Variants in SOX15 observed in about 807,000 individuals in gnomAD.
The protein encoded by SOX15 is SRY-box transcription factor 15, also known as transcription factor SOX-15.
In SOX15, 12 loss-of-function variants were observed where a neutral mutation model predicts 15.9. The observed-to-expected ratio is 0.75, with a 90% CI of 0.48 to 1.22. The LOEUF is 1.22. Ranked by LOEUF, SOX15 falls within the 50% of genes most tolerant of loss-of-function variation. The pLI, the probability that SOX15 is intolerant of heterozygous loss-of-function variation, is 0.00. For synonymous variants in SOX15, 149 were observed against 142.8 expected (o/e 1.04, Z -0.31); for missense variants, 309 against 313.9 (o/e 0.98, Z 0.12).
rs1203767552 is a variant in SOX15 at position 7,589,249 on chromosome 17, C to T, written c.428G>A (p.Ser143Asn). The change falls in exon 1 of 2, where the codon AGC (serine) becomes AAC (asparagine). Residue 143 changes from serine (S) to asparagine (N), a missense_variant. Ser to Asn is a conservative substitution (Grantham distance 46). Transcript: ENST00000250055. ...CCCCGGCCCCCAGAGCGGGCCGCCGCTGGCCAGGTTGCCTCTTCCCTGTCC... is the reference window on the plus strand; with the variant it reads ...CCCCGGCCCCCAGAGCGGGCCGCCGTTGGCCAGGTTGCCTCTTCCCTGTCC... The part of the protein sequence containing the change: ...RCGQGRGNLA[S>N]GGPLWGPGYA... 4 of 1,551,908 alleles carry T rather than the reference C, an allele frequency of 2.6e-6. No homozygotes were observed. The highest frequency in any genetic ancestry group is 3.5e-6 in the Non-Finnish European group (4 of 1,148,182).
Position 7,589,913 on chromosome 17 carries a change from A to G in SOX15, c.-237T>C. On this transcript the variant is annotated 5_prime_UTR_variant, in exon 1 of 2. Coordinates refer to ENST00000250055, the MANE Select transcript of SOX15 (RefSeq NM_006942.2). ...CCGCTGTCTGGTGCCCCGGCACTGA[A>G]GAGGTGTTCTGAGGCCTACTGACTG... The G allele has an allele frequency of 5.4e-6, 3 of 552,554 alleles. No homozygotes were observed. Among genetic ancestry groups the G allele is most frequent in the Non-Finnish European group, 9.5e-6 (3 of 315,830 alleles). 34.2% of individuals were successfully genotyped at this position (552,554 alleles called of 1,614,324 possible).
rs1299140096 is a variant in SOX15 at position 7,589,678 on chromosome 17, G to A, written c.-2C>T. 2 of 1,534,300 alleles carry A rather than the reference G, an allele frequency of 1.3e-6. No individual in the cohort carries two copies. Among genetic ancestry groups the A allele is most frequent in the Non-Finnish European group, 1.7e-6 (2 of 1,145,148 alleles). On this transcript the variant is annotated 5_prime_UTR_variant, in exon 1 of 2. Coordinates refer to ENST00000250055, the MANE Select transcript of SOX15 (RefSeq NM_006942.2). ...CTGTGAGGAGCCTGGTAGCGCCATG[G>A]GTTGGGAGAAGCCTTAAGAGGGCGT...
rs976895037 is a variant in SOX15, at chr17:7,590,024, T to A, written c.-348A>T. ...GGGTAAACCATAAACCCCTTTGTGG[T>A]CTCCGGAGTTCCGACAGCTGCCAGG... On this transcript the variant is annotated 5_prime_UTR_variant, in exon 1 of 2. Transcript: ENST00000250055. The A allele has an allele frequency of 3.7e-6, 1 of 271,410 alleles. No individual in the cohort carries two copies. Among genetic ancestry groups the A allele is most frequent in the Non-Finnish European group, 7.0e-6 (1 of 143,104 alleles). 16.8% of individuals were successfully genotyped at this position (271,410 alleles called of 1,614,324 possible). A position where few individuals can be genotyped will look rare whatever the true frequency, so the allele number is the denominator to read the frequency against.
chr17:7,588,977 GC>G, intron 1 of SOX15, 166 bp downstream of exon 1: 1 of 634,526 alleles, frequency 1.6e-6, no homozygotes, highest in South Asian at 2.1e-5. Flanking sequence ...ACCCTGATCC[GC>G]CCCACCCTAC....
Position 7,590,053 on chromosome 17 carries a change from G to A in SOX15, c.-377C>T. 4.2e-6 allele frequency: 1 copy of A among 235,558 alleles called. No homozygotes were observed. The highest frequency in any genetic ancestry group is 6.5e-5 in the South Asian group (1 of 15,394). 14.6% of individuals were successfully genotyped at this position (235,558 alleles called of 1,614,324 possible). ...CGGAGTTCCGACAGCTGCCAGGCGC[G>A]GATAGGCCAGACCTCTCCCACCTGG... On this transcript the variant is annotated 5_prime_UTR_variant, in exon 1 of 2. Transcript: ENST00000250055.
rs758261826 is a variant in SOX15 at position 7,589,271 on chromosome 17, G to C, written c.406C>G (p.Gln136Glu). Reference protein sequence around the residue: ...SSGAGPSRCGQGRGNLASGGP... With the variant: ...SSGAGPSRCGEGRGNLASGGP... ...CCGCTGGCCAGGTTGCCTCTTCCCT[G>C]TCCGCAGCGGGAAGGTCCGGCGCCC... The change falls in exon 1 of 2, where the codon CAG becomes GAG. Residue 136 changes from glutamine (Q) to glutamate (E), a missense_variant. Gln to Glu is a conservative substitution (Grantham distance 29, BLOSUM62 2). Coordinates refer to ENST00000250055, the MANE Select transcript of SOX15 (RefSeq NM_006942.2). The C allele has an allele frequency of 1.3e-6, 2 of 1,562,504 alleles. No homozygotes were observed. Among genetic ancestry groups the C allele is most frequent in the Non-Finnish European group, 1.7e-6 (2 of 1,154,014 alleles).
Position 7,588,395 on chromosome 17 carries a change from G to A in SOX15, c.685C>T (p.Pro229Ser), listed in dbSNP as rs1245097941. The change falls in exon 2 of 2, where the codon CCC (proline) becomes TCC (serine). Residue 229 changes from proline to serine, a missense_variant. By Grantham distance (74) the Pro-to-Ser change is moderately conservative. Transcript: ENST00000250055. ...CATGAGGGTTAGAGGTGGGTTAGGG[G>A]CATGGGGGCACCAGCAAGGGGAGGG... The part of the protein sequence containing the change: ...YNPPLAGAPM[P>S]LTHL The A allele has an allele frequency of 1.2e-6, 2 of 1,613,330 alleles. No individual in the cohort carries two copies. Among genetic ancestry groups the A allele is most frequent in the South Asian group, 1.1e-5 (1 of 91,000 alleles).
At chr17:7,588,740 GCGTGCTGCA>G (rs2071625639) in intron 1 of SOX15, among the ~76,000 whole-genome samples, 194 bp from the exon 2 acceptor site, 1 of 152,188 alleles carries the variant, frequency 6.6e-6, no homozygotes, top group Non-Finnish European at 1.5e-5. Context: ...GAGCGGGCTT[GCGTGCTGCA>G]CGGCTGTTTT....
Position 7,589,602 on chromosome 17 carries a change from TGAG to T in SOX15, c.72_74del (p.Ser27del), listed in dbSNP as rs756275026. The T allele has an allele frequency of 1.2e-4, 189 of 1,564,820 alleles. 1 individual carries two copies. In the East Asian group the frequency reaches 4.3e-3, roughly 36 times the overall value. ...CCTCCCGCTCCTGGGGTCCCGAAGA[TGAG>T]GAGGCAGCAGCCGTGGCAGCCGGAG... On this transcript the variant is annotated inframe_deletion, in exon 1 of 2. Coordinates refer to ENST00000250055, the MANE Select transcript of SOX15 (RefSeq NM_006942.2).
At chr17:7,588,678 T>G in intron 1 of SOX15, 132 bp from the exon 2 acceptor site, 1 of 994,238 alleles carries the variant, frequency 1.0e-6, no homozygotes, top group Non-Finnish European at 1.6e-6. Flanking sequence ...GCAGCAGGCA[T>G]GGAAGCCGAC....
rs773759891 is a variant in SOX15 at position 7,589,152 on chromosome 17, G to A, written c.525C>T (p.Gly175=). ...PPSYSTAYLP[G]SYGSSHCKLE... ...GCTTCCCAGGCACTCACCCATAGCT[G>A]CCAGGCAGGTAGGCTGTCGAGTAGC... The change falls in exon 1 of 2, where the codon GGC becomes GGT. Residue 175 remains glycine, a synonymous_variant. Coordinates refer to ENST00000250055, the MANE Select transcript of SOX15 (RefSeq NM_006942.2). 11 of 1,491,864 alleles carry A rather than the reference G, an allele frequency of 7.4e-6. No homozygotes were observed. The Admixed American group carries it at 1.6e-4, about 22-fold the overall frequency. The allele number at this position is 1,491,864 out of a possible 1,614,324, so 92.4% of individuals were successfully genotyped here. A position where few individuals can be genotyped will look rare whatever the true frequency, so the allele number is the denominator to read the frequency against.
At position 7,589,671 on chromosome 17, in the gene SOX15, C is replaced by T; in HGVS notation, c.6G>A (p.Ala2=). 2 of 1,538,634 alleles carry T rather than the reference C, an allele frequency of 1.3e-6. No homozygotes were observed. The highest frequency in any genetic ancestry group is 1.7e-6 in the Non-Finnish European group (2 of 1,146,442). Residue 2 remains alanine (A), a synonymous_variant, in exon 1 of 2, where the codon GCG becomes GCA. Transcript: ENST00000250055. ...CCTGGTCCTGTGAGGAGCCTGGTAG[C>T]GCCATGGGTTGGGAGAAGCCTTAAG... is the stretch of plus-strand genomic sequence containing the variant. M[A]LPGSSQDQAW...
rs2071620357 is a variant in SOX15, at chr17:7,588,371, A to G, written c.*7T>C. The G allele has an allele frequency of 3.1e-6, 5 of 1,612,926 alleles. No homozygotes were observed. Among genetic ancestry groups the G allele is most frequent in the South Asian group, 1.1e-5 (1 of 91,000 alleles). ...GGCCCGTCCCGTGAGGTCTGCGTCC[A>G]TGAGGGTTAGAGGTGGGTTAGGGGC... is the stretch of plus-strand genomic sequence containing the variant. On this transcript the variant is annotated 3_prime_UTR_variant, in exon 2 of 2. Transcript: ENST00000250055.
rs1278994153 is a variant in SOX15, at chr17:7,588,340, G to C, written c.*38C>G. On this transcript the variant is annotated 3_prime_UTR_variant, in exon 2 of 2. Transcript: ENST00000250055. ...GGGATGCTGCTGGATTAAAAAAGGA[G>C]GATGAGGCCCGTCCCGTGAGGTCTG... 6.2e-7 allele frequency: 1 copy of C among 1,603,572 alleles called. No homozygotes were observed. The highest frequency in any genetic ancestry group is 1.7e-4 in the Middle Eastern group (1 of 6,050).
Position 7,588,457 on chromosome 17 carries a change from G to T in SOX15, c.623C>A (p.Thr208Asn). The T allele has an allele frequency of 6.2e-7, 1 of 1,613,878 alleles. No homozygotes were observed. The highest frequency in any genetic ancestry group is 8.5e-7 in the Non-Finnish European group (1 of 1,179,842). ...GGGAGAGCCAGGGGGCAGGTAGTGGGTATAGGTGGGCAGCAGTTCCCCCTG... is the reference window on the plus strand; with the variant it reads ...GGGAGAGCCAGGGGGCAGGTAGTGGTTATAGGTGGGCAGCAGTTCCCCCTG... ...RLQGELLPTY[T>N]HYLPPGSPTP... Residue 208 changes from threonine (T) to asparagine (N), a missense_variant, in exon 2 of 2, where the codon ACC (threonine) becomes AAC (asparagine). Physicochemically the swap from Thr to Asn is moderately conservative, Grantham distance 65. Coordinates refer to ENST00000250055, the MANE Select transcript of SOX15 (RefSeq NM_006942.2).
In SOX15 at chr17:7,588,439, C is replaced by A; in HGVS notation, c.641G>T (p.Gly214Val). Residue 214 changes from glycine (G) to valine (V), a missense_variant, in exon 2 of 2, where the codon GGC becomes GTC. Gly to Val is a moderately radical substitution (Grantham distance 109). Transcript: ENST00000250055. ...GGGAGGGTTGTATGGAGTGGGAGAG[C>A]CAGGGGGCAGGTAGTGGGTATAGGT... The part of the protein sequence containing the change: ...LPTYTHYLPP[G>V]SPTPYNPPLA... The A allele has an allele frequency of 6.2e-7, 1 of 1,613,576 alleles. No individual in the cohort carries two copies. The highest frequency in any genetic ancestry group is 8.5e-7 in the Non-Finnish European group (1 of 1,179,730).
At position 7,589,328 on chromosome 17, in the gene SOX15, T is replaced by G; in HGVS notation, c.349A>C (p.Lys117Gln). ...TTGGCCTTGCGCCGAGGCCGGTACT[T>G]GTAGTCGGGGTAGTCGCGCAGGTGT... The part of the protein sequence containing the change: ...ARHLRDYPDY[K>Q]YRPRRKAKSS... The change falls in exon 1 of 2, where the codon AAG becomes CAG. Residue 117 changes from lysine (K) to glutamine (Q), a missense_variant. Transcript: ENST00000250055. The G allele has an allele frequency of 6.2e-7, 1 of 1,606,834 alleles. No homozygotes were observed. Among genetic ancestry groups the G allele is most frequent in the Non-Finnish European group, 8.5e-7 (1 of 1,176,346 alleles).
chr17:7,589,153 C>T lies in SOX15; in HGVS notation c.524G>A (p.Gly175Asp). ...PPSYSTAYLP[G>D]SYGSSHCKLE... ...CTTCCCAGGCACTCACCCATAGCTG[C>T]CAGGCAGGTAGGCTGTCGAGTAGCT... is the stretch of plus-strand genomic sequence containing the variant. Residue 175 changes from glycine to aspartate, a missense_variant, in exon 1 of 2, where the codon GGC (glycine) becomes GAC (aspartate). Physicochemically the swap from Gly to Asp is moderately conservative, Grantham distance 94. Transcript: ENST00000250055. 1 of 1,492,320 alleles carries T rather than the reference C, an allele frequency of 6.7e-7. No homozygotes were observed. The allele number at this position is 1,492,320 out of a possible 1,614,324, so 92.4% of individuals were successfully genotyped here.
intron 1 of SOX15, 112 bp downstream of exon 1, chr17:7,589,032 C>G: frequency 9.7e-7 from 1 of 1,033,144 alleles, no homozygotes; most frequent in Non-Finnish European, 1.4e-6. Context: ...ACACCTTGGC[C>G]GCGAGTGGCC....
Sources: allele counts gnomAD v4.1 joint callset (sites outside exome capture counted in the v4.1 genomes callset), GRCh38; gene constraint gnomAD v4.1.1; transcripts MANE v1.5; gene names NCBI Gene and HGNC (gene_info 2026-07-23, HGNC 2026-07-21).